Variants in CRACR2A observed in about 807,000 individuals in gnomAD.
CRACR2A encodes EF-hand calcium-binding domain-containing protein 4B.
CRACR2A carries 79 observed loss-of-function variants against 90.5 expected under a neutral mutation model. That is an observed-to-expected ratio of 0.87 (90% CI 0.73 to 1.05). CRACR2A has a LOEUF of 1.05. CRACR2A is among the 50% of genes least tolerant of loss of function. The pLI, the probability that CRACR2A is intolerant of heterozygous loss-of-function variation, is 0.00. For missense variants in CRACR2A, 823 were observed against 897.2 expected (o/e 0.92, Z 1.06); for synonymous variants, 338 against 356.7 (o/e 0.95, Z 0.59).
chr12:3,640,463 G>T (rs1184624671), intron 13 of CRACR2A: 2 of 1,150,884 alleles, frequency 1.7e-6, no homozygotes, highest in Admixed American at 7.4e-5. Context: ...AGGCTTTACA[G>T]AACTCAAAAG....
intron 15 of CRACR2A, among the ~76,000 whole-genome samples, chr12:3,628,207 T>C (rs1018463927): frequency 1.1e-4 from 16 of 146,472 alleles, no homozygotes; most frequent in Non-Finnish European, 2.3e-4. Context: ...CTTTCTCTCT[T>C]CCTCTCTTCC....
chr12:3,706,202 C>A (rs1945917645), intron 3 of CRACR2A, among the ~76,000 whole-genome samples: 1 of 152,208 alleles, frequency 6.6e-6, no homozygotes, highest in African/African-American at 2.4e-5. Flanking sequence ...CACCCCATGA[C>A]CTGGGCAGGC....
chr12:3,690,670 C>G (rs1945636173), intron 4 of CRACR2A, among the ~76,000 whole-genome samples: 1 of 152,080 alleles, frequency 6.6e-6, no homozygotes, highest in Non-Finnish European at 1.5e-5. Context: ...AGATGTCTAT[C>G]AGGTCCATTT....
At chr12:3,639,701 T>G (rs1944528025) in intron 13 of CRACR2A, among the ~76,000 whole-genome samples, 1 of 152,188 alleles carries the variant, frequency 6.6e-6, no homozygotes, top group Admixed American at 6.5e-5. Context: ...TGAAATTAAC[T>G]GCGATTCTGC....
chr12:3,635,646 C>A (rs1444109718), intron 14 of CRACR2A, among the ~76,000 whole-genome samples: 1 of 152,158 alleles, frequency 6.6e-6, no homozygotes, highest in Non-Finnish European at 1.5e-5. Context: ...GCTATGACTA[C>A]AGGTATGCAT....
At chr12:3,640,762 C>G (rs1255964152) in intron 13 of CRACR2A, 2 of 1,305,408 alleles carry the variant, frequency 1.5e-6, no homozygotes, top group Admixed American at 2.3e-5. Flanking sequence ...CGGGATGCCT[C>G]TATCTCTCTG....
At chr12:3,716,389 T>C (rs1283310590) in intron 2 of CRACR2A, among the ~76,000 whole-genome samples, 1 of 152,230 alleles carries the variant, frequency 6.6e-6, no homozygotes, top group Non-Finnish European at 1.5e-5. Flanking sequence ...TTGAAAGCTC[T>C]GCTCTTGTCT....
chr12:3,695,761 A>G (rs1945728986), intron 4 of CRACR2A, among the ~76,000 whole-genome samples: 2 of 152,256 alleles, frequency 1.3e-5, no homozygotes, highest in South Asian at 2.1e-4. Flanking sequence ...AGTGAGTGAC[A>G]CAAAGACTCA....
At chr12:3,697,247 A>G (rs978906470) in intron 3 of CRACR2A, among the ~76,000 whole-genome samples, 2 of 152,160 alleles carry the variant, frequency 1.3e-5, no homozygotes, top group Non-Finnish European at 2.9e-5. Context: ...GGGAGGAGGG[A>G]AGAGTGCGGA....
chr12:3,678,474 C>T (rs776894485), intron 6 of CRACR2A, among the ~76,000 whole-genome samples: 1 of 152,098 alleles, frequency 6.6e-6, no homozygotes. Context: ...TGGGAGGCAC[C>T]GTAGCTCTAG....
chr12:3,639,457 A>AAC (rs9300301), intron 13 of CRACR2A, among the ~76,000 whole-genome samples: 6 of 139,558 alleles, frequency 4.3e-5, no homozygotes, highest in Admixed American at 7.3e-5. Context: ...CCAGAATTGA[A>AAC]ACACACACAC....
intron 8 of CRACR2A, among the ~76,000 whole-genome samples, chr12:3,657,141 G>A (rs1043668894): frequency 2.6e-5 from 4 of 152,200 alleles, no homozygotes; most frequent in African/African-American, 7.2e-5. Context: ...TGAGCCGAGC[G>A]GGACACAACT....
Position 3,711,508 on chromosome 12 carries a change from G to T in CRACR2A, c.-37+1729C>A, listed in dbSNP as rs1309542015. On this transcript the variant is annotated intron_variant, in intron 3 of 19. Transcript: ENST00000440314. This position sits in a 1 kb window ranked among gnomAD's most constrained non-coding sequence, Gnocchi z 4.3. The stretch of plus-strand genomic sequence containing the variant: ...TATAACAAGACTGGCCTTTCCTCTA[G>T]TGTCTAATAACATGTTCTTCATTTT... 6.6e-6 allele frequency among the ~76,000 whole-genome samples: 1 copy of T among 152,130 alleles called. No homozygotes were observed. Among genetic ancestry groups the T allele is most frequent in the Non-Finnish European group, 1.5e-5 (1 of 68,016 alleles).
At chr12:3,671,830 A>G (rs1385302029) in intron 7 of CRACR2A, among the ~76,000 whole-genome samples, 2 of 152,222 alleles carry the variant, frequency 1.3e-5, no homozygotes, top group Non-Finnish European at 2.9e-5. Flanking sequence ...ACTTACATGC[A>G]TTATTTCATT....
chr12:3,644,078 CATAT>C (rs1261896082), intron 12 of CRACR2A, among the ~76,000 whole-genome samples: 2 of 143,306 alleles, frequency 1.4e-5, no homozygotes, highest in Admixed American at 1.5e-4. Context: ...GCACACACTA[CATAT>C]ATATAGAGAG....
At chr12:3,742,525 T>C (rs1946544216) in intron 1 of CRACR2A, among the ~76,000 whole-genome samples, 1 of 152,160 alleles carries the variant, frequency 6.6e-6, no homozygotes, top group African/African-American at 2.4e-5. Context: ...AAGTCCAGAA[T>C]TGAATCCTGG....
intron 4 of CRACR2A, among the ~76,000 whole-genome samples, chr12:3,696,425 C>T (rs959898300): frequency 1.3e-5 from 2 of 152,174 alleles, no homozygotes; most frequent in African/African-American, 4.8e-5. Flanking sequence ...ACAGCAGGAA[C>T]GACTTTGTTA....
chr12:3,745,793 A>C (rs181394717), intron 1 of CRACR2A, among the ~76,000 whole-genome samples: 473 of 6,236 alleles, frequency 0.076, 5 homozygotes, highest in Middle Eastern at 0.11. Flanking sequence ...AATAAAATAA[A>C]ATAAAATAAA....
At chr12:3,626,538 A>G (rs1944264263) in intron 17 of CRACR2A, among the ~76,000 whole-genome samples, 1 of 152,160 alleles carries the variant, frequency 6.6e-6, no homozygotes, top group Non-Finnish European at 1.5e-5. Context: ...TGAGGGCAGG[A>G]GCTTTGTCTC....
Sources: gnomAD v4.1 joint callset for allele counts (sites outside exome capture counted in the v4.1 genomes callset) on GRCh38, gnomAD v4.1.1 for gene constraint, Gnocchi (gnomAD v3.1) non-coding constraint, MANE v1.5 for transcripts, NCBI Gene and HGNC (gene_info 2026-07-23, HGNC 2026-07-21) for gene names.